Variants in TRAK1 observed in about 807,000 individuals in gnomAD.
TRAK1 encodes trafficking kinesin protein 1, also known as trafficking kinesin-binding protein 1.
TRAK1 carries 33 observed loss-of-function variants against 92.1 expected under a neutral mutation model. That is an observed-to-expected ratio of 0.36 (90% CI 0.27 to 0.48). The LOEUF is 0.48. Ranked by LOEUF, TRAK1 falls within the 20% of genes least tolerant of loss-of-function variation. The pLI, the probability that TRAK1 is intolerant of heterozygous loss-of-function variation, is 0.99. For missense variants in TRAK1, 1,123 were observed against 1,257.9 expected (o/e 0.89, Z 1.62); for synonymous variants, 521 against 517.3 (o/e 1.01, Z -0.10).
At chr3:42,134,301 T>G (rs1697642257) in intron 2 of TRAK1, among the ~76,000 whole-genome samples, 1 of 150,012 alleles carries the variant, frequency 6.7e-6, no homozygotes, top group African/African-American at 2.4e-5. Flanking sequence ...TACCTTACCT[T>G]AATCTTGCTC....
chr3:42,154,185 T>C (rs1700275620), intron 2 of TRAK1, among the ~76,000 whole-genome samples: 1 of 152,196 alleles, frequency 6.6e-6, no homozygotes, highest in African/African-American at 2.4e-5. Context: ...TTATTTCTTT[T>C]TTTTTGAGAT....
chr3:42,145,840 C>T (rs1014003428), intron 2 of TRAK1: 9 of 246,968 alleles, frequency 3.6e-5, no homozygotes, highest in African/African-American at 1.6e-4. Flanking sequence ...AGAACACACT[C>T]GAGGTACTGA....
At chr3:42,143,353 G>A (rs1698927066) in intron 2 of TRAK1, among the ~76,000 whole-genome samples, 1 of 142,762 alleles carries the variant, frequency 7.0e-6, no homozygotes, top group Admixed American at 7.2e-5. Flanking sequence ...ATAATCCTTG[G>A]ATGCTTTTTC....
intron 4 of TRAK1, among the ~76,000 whole-genome samples, chr3:42,186,862 G>A (rs940561733): frequency 6.6e-6 from 1 of 152,166 alleles, no homozygotes; most frequent in Admixed American, 6.5e-5. Context: ...ACGTAAAATT[G>A]TCTTCTCCAT....
chr3:42,090,532 A>G (rs1342007805), upstream of TRAK1, among the ~76,000 whole-genome samples: 1 of 152,196 alleles, frequency 6.6e-6, no homozygotes, highest in Non-Finnish European at 1.5e-5. Context: ...CTAAAAATAT[A>G]AAAACTAGCC....
At chr3:42,190,476 G>T (rs73828596) in intron 6 of TRAK1, among the ~76,000 whole-genome samples, 8,401 of 152,152 alleles carry the variant, frequency 0.055, 230 homozygotes, top group Middle Eastern at 0.075. Flanking sequence ...GTCTGCCTAG[G>T]TTTCCTCTGC....
intron 14 of TRAK1, chr3:42,210,380 A>C: frequency 7.7e-7 from 1 of 1,304,586 alleles, no homozygotes; most frequent in Non-Finnish European, 9.7e-7. Flanking sequence ...AGGGATCTTT[A>C]AAGTGGGAGC....
At chr3:42,089,665 G>T (rs1704884863), upstream of TRAK1, among the ~76,000 whole-genome samples, 1 of 128,124 alleles carries the variant, frequency 7.8e-6, no homozygotes, top group Admixed American at 8.8e-5. Flanking sequence ...TTTATTTGAT[G>T]CTTTTTGTGA....
intron 1 of TRAK1, among the ~76,000 whole-genome samples, chr3:42,072,176 T>C (rs1168885203): frequency 6.6e-6 from 1 of 152,056 alleles, no homozygotes; most frequent in Non-Finnish European, 1.5e-5. Context: ...CCCGTTGGCC[T>C]GGTTTGCTGG....
chr3:42,160,414 A>G, intron 2 of TRAK1: 1 of 1,614,234 alleles, frequency 6.2e-7, no homozygotes. Flanking sequence ...TACGACTGCC[A>G]GGATGAAGAG....
At chr3:42,038,698 G>T (rs1301066566) in intron 1 of TRAK1, among the ~76,000 whole-genome samples, 1 of 148,852 alleles carries the variant, frequency 6.7e-6, no homozygotes, top group Non-Finnish European at 1.5e-5. Flanking sequence ...TGAGGCAGGA[G>T]AATTGCTTGA....
chr3:42,159,039 A>G (rs904850689), intron 2 of TRAK1, among the ~76,000 whole-genome samples: 2 of 151,402 alleles, frequency 1.3e-5, no homozygotes, highest in Non-Finnish European at 2.9e-5. Flanking sequence ...TTTAAATAAA[A>G]TCTTTATTAT....
rs79357668 is a variant in TRAK1, at chr3:42,032,879, G to A, written c.-519+18762G>A. 6.8e-3 allele frequency among the ~76,000 whole-genome samples: 1,042 copies of A among 152,184 alleles called. 55 individuals are homozygous for A. In the East Asian group the frequency reaches 0.14, roughly 20 times the overall value. The stretch of plus-strand genomic sequence containing the variant: ...CAAGGCTGTGGTGAGCCATGATTGC[G>A]CCACCTGCACTCCAGCGTGGACAAC... On this transcript the variant is annotated intron_variant, in intron 1 of 16. Coordinates refer to the TRAK1 transcript ENST00000487159.
chr3:42,112,610 C>G (rs1189452726), intron 1 of TRAK1, among the ~76,000 whole-genome samples: 1 of 150,282 alleles, frequency 6.7e-6, no homozygotes, highest in Non-Finnish European at 1.5e-5. Flanking sequence ...TCACACGTAC[C>G]TGTAATCCCA....
chr3:42,173,013 G>T (rs1041730130), intron 2 of TRAK1, among the ~76,000 whole-genome samples: 2 of 152,098 alleles, frequency 1.3e-5, no homozygotes, highest in African/African-American at 4.8e-5. Context: ...GGGCATAGTG[G>T]CAGGCACCTG....
chr3:42,171,190 T>G (rs2149342617), intron 2 of TRAK1, among the ~76,000 whole-genome samples: 1 of 152,264 alleles, frequency 6.6e-6, no homozygotes, highest in South Asian at 2.1e-4. Context: ...GAGGTTTTTC[T>G]TTTTATATGT....
intron 14 of TRAK1, chr3:42,210,216 A>T (rs759315103): frequency 4.5e-6 from 7 of 1,544,178 alleles, no homozygotes; most frequent in Non-Finnish European, 4.4e-6. Flanking sequence ...CACCATCCGT[A>T]GTGGTTCTCT....
chr3:42,216,293 G>A (rs577692192), intron 14 of TRAK1, among the ~76,000 whole-genome samples: 2 of 152,258 alleles, frequency 1.3e-5, no homozygotes, highest in Admixed American at 1.3e-4. Context: ...GGGAGTAGGG[G>A]CCGTGTCAGG....
At chr3:42,214,190 T>C (rs1257678706) in intron 14 of TRAK1, among the ~76,000 whole-genome samples, 1 of 152,210 alleles carries the variant, frequency 6.6e-6, no homozygotes, top group Non-Finnish European at 1.5e-5. Flanking sequence ...CGTGGGTTGC[T>C]GAGGAGGTGT....
Sources: allele counts gnomAD v4.1 joint callset (sites outside exome capture counted in the v4.1 genomes callset), GRCh38; gene constraint gnomAD v4.1.1; transcripts MANE v1.5; gene names NCBI Gene and HGNC (gene_info 2026-07-23, HGNC 2026-07-21).